Variants in GLCE observed in about 807,000 individuals in gnomAD.
GLCE encodes the protein D-glucuronyl C5-epimerase.
GLCE carries 19 observed loss-of-function variants against 47.9 expected under a neutral mutation model. The observed-to-expected ratio is 0.40, with a 90% CI of 0.28 to 0.58. GLCE has a LOEUF of 0.58. Among genes scored for constraint, GLCE ranks in the 20% least tolerant of loss-of-function variants. The pLI, the probability that GLCE is intolerant of heterozygous loss-of-function variation, is 0.48. For missense variants in GLCE, 556 were observed against 743.3 expected, an observed-to-expected ratio of 0.75 and a Z score of 2.93; for synonymous variants, 245 against 263.4, an observed-to-expected ratio of 0.93 and a Z score of 0.68.
chr15:69,228,714 C>CAGG (rs1339648365), intron 2 of GLCE, among the ~76,000 whole-genome samples: 1 of 152,050 alleles, frequency 6.6e-6, no homozygotes, highest in East Asian at 1.9e-4. Context: ...TCTTTTGAGT[C>CAGG]AGAGTCTTGC....
At chr15:69,224,133 T>G (rs948935374) in intron 2 of GLCE, among the ~76,000 whole-genome samples, 2 of 152,208 alleles carry the variant, frequency 1.3e-5, no homozygotes, top group African/African-American at 4.8e-5. Context: ...CTTGTGATTT[T>G]TTGTTGTTGT....
At chr15:69,167,513 T>TA (rs2051522848) in intron 1 of GLCE, among the ~76,000 whole-genome samples, 1 of 152,246 alleles carries the variant, frequency 6.6e-6, no homozygotes, top group Admixed American at 6.5e-5. Flanking sequence ...GCTGAGTTGT[T>TA]ATTAGCATCA....
intron 2 of GLCE, among the ~76,000 whole-genome samples, chr15:69,233,098 C>T (rs2052547379): frequency 6.6e-6 from 1 of 152,120 alleles, no homozygotes; most frequent in Non-Finnish European, 1.5e-5. Context: ...TTCTCATTTT[C>T]CCAGAAAGGC....
At chr15:69,188,065 A>G (rs2051853232) in intron 1 of GLCE, among the ~76,000 whole-genome samples, 1 of 151,964 alleles carries the variant, frequency 6.6e-6, no homozygotes, top group South Asian at 2.1e-4. Context: ...CTCCATCTCA[A>G]AAAACAAAAA....
chr15:69,264,155 TC>T (rs924116336), intron 4 of GLCE, among the ~76,000 whole-genome samples: 3 of 152,040 alleles, frequency 2.0e-5, no homozygotes, highest in Non-Finnish European at 2.9e-5. Flanking sequence ...GATCAACATC[TC>T]CCCATTTTTC....
intron 1 of GLCE, among the ~76,000 whole-genome samples, chr15:69,181,269 G>T (rs1488467017): frequency 6.6e-6 from 1 of 152,188 alleles, no homozygotes; most frequent in Non-Finnish European, 1.5e-5. Context: ...TCAAAGGAAA[G>T]GAATGGGCTA....
intron 1 of GLCE, among the ~76,000 whole-genome samples, chr15:69,200,965 C>G (rs956848062): frequency 6.6e-6 from 1 of 152,064 alleles, no homozygotes; most frequent in African/African-American, 2.4e-5. Context: ...TTGATCAGAG[C>G]CCTTTCTAGC....
intron 1 of GLCE, among the ~76,000 whole-genome samples, chr15:69,171,527 G>A (rs1251128258): frequency 6.6e-6 from 1 of 151,684 alleles, no homozygotes; most frequent in Non-Finnish European, 1.5e-5. Context: ...CTCCTGAGTA[G>A]CTGGGATTAC....
intron 4 of GLCE, among the ~76,000 whole-genome samples, chr15:69,264,378 A>G (rs2053056718): frequency 6.6e-6 from 1 of 152,020 alleles, no homozygotes; most frequent in Non-Finnish European, 1.5e-5. Flanking sequence ...GTGTGTATAC[A>G]CACATGTGTG....
chr15:69,264,396 G>GCA (rs150224477), intron 4 of GLCE, among the ~76,000 whole-genome samples: 51 of 150,804 alleles, frequency 3.4e-4, no homozygotes, highest in East Asian at 3.3e-3. Flanking sequence ...GTGTGCACGT[G>GCA]CACACACACA....
intron 2 of GLCE, among the ~76,000 whole-genome samples, chr15:69,255,129 T>G (rs965229847): frequency 6.6e-6 from 1 of 152,182 alleles, no homozygotes; most frequent in Non-Finnish European, 1.5e-5. Flanking sequence ...TTGTTGGATT[T>G]AGCAACATGG....
chr15:69,165,115 T>C (rs1566944254), intron 1 of GLCE, among the ~76,000 whole-genome samples: 1 of 152,218 alleles, frequency 6.6e-6, no homozygotes, highest in Non-Finnish European at 1.5e-5. Flanking sequence ...ATGTGCAGAA[T>C]GGGCAGGTTT....
intron 2 of GLCE, among the ~76,000 whole-genome samples, chr15:69,215,628 G>A (rs1240143432): frequency 6.6e-6 from 1 of 151,494 alleles, no homozygotes; most frequent in Admixed American, 6.6e-5. Context: ...CAGGATTATG[G>A]GCCTTATCTT....
intron 1 of GLCE, chr15:69,197,120 A>G: frequency 2.7e-6 from 1 of 363,718 alleles, no homozygotes; most frequent in Non-Finnish European, 5.5e-6. Context: ...GCCAGCATTG[A>G]TCAACATAAA....
chr15:69,254,270 C>T (rs2052889724), intron 2 of GLCE, among the ~76,000 whole-genome samples: 1 of 152,124 alleles, frequency 6.6e-6, no homozygotes, highest in Admixed American at 6.5e-5. Flanking sequence ...TCCATAATTT[C>T]CCATGTTTCC....
At chr15:69,230,716 T>C (rs1242520155) in intron 2 of GLCE, among the ~76,000 whole-genome samples, 1 of 152,198 alleles carries the variant, frequency 6.6e-6, no homozygotes, top group Non-Finnish European at 1.5e-5. Flanking sequence ...AAATACTTAT[T>C]GGGGCTTACT....
intron 1 of GLCE, among the ~76,000 whole-genome samples, chr15:69,174,073 T>C (rs2051625374): frequency 6.6e-6 from 1 of 152,154 alleles, no homozygotes; most frequent in African/African-American, 2.4e-5. Flanking sequence ...CCCAGGCTGG[T>C]CTTCAATTCC....
intron 4 of GLCE, 68 bp downstream of exon 4, chr15:69,261,397 A>T: frequency 6.8e-7 from 1 of 1,461,626 alleles, no homozygotes. Context: ...GTCCCTTAAA[A>T]TTTTAATATG....
chr15:69,199,724 T>C (rs1279399227), intron 1 of GLCE, among the ~76,000 whole-genome samples: 2 of 152,188 alleles, frequency 1.3e-5, no homozygotes, highest in Non-Finnish European at 2.9e-5. Context: ...GTACCATGCC[T>C]TAAACCATAC....
Sources: allele counts gnomAD v4.1 joint callset (sites outside exome capture counted in the v4.1 genomes callset), GRCh38; gene constraint gnomAD v4.1.1; transcripts MANE v1.5; gene names NCBI Gene and HGNC (gene_info 2026-07-23, HGNC 2026-07-21).